DDX4: variants seen among roughly 807,000 people sequenced by gnomAD.
DDX4 encodes the protein probable ATP-dependent RNA helicase DDX4.
A neutral mutation model predicts 100.0 loss-of-function variants in DDX4; 25 were observed. The observed-to-expected ratio is 0.25, with a 90% CI of 0.18 to 0.35. The LOEUF (loss-of-function observed/expected upper bound fraction) is 0.35, where lower values mean the gene tolerates loss of function less well. Among genes scored for constraint, DDX4 ranks in the 10% least tolerant of loss-of-function variants. The pLI, the probability that DDX4 is intolerant of heterozygous loss-of-function variation, is 1.00. For missense variants in DDX4, 635 were observed against 882.4 expected (o/e 0.72, Z 3.55); for synonymous variants, 259 against 275.7 (o/e 0.94, Z 0.60).
chr5:55,738,076 G>C lies in DDX4; in HGVS notation c.-40G>C, dbSNP rs1758786274. On this transcript the variant is annotated 5_prime_UTR_variant, in exon 1 of 22. Transcript: ENST00000505374. ...TTTAAGTCGCGTGGGCGCCTGCGAGGGCTTGGGAGAGCAAGCCGCGGAGAG... is the reference window on the plus strand; with the variant it reads ...TTTAAGTCGCGTGGGCGCCTGCGAGCGCTTGGGAGAGCAAGCCGCGGAGAG... 6.6e-6 allele frequency: 1 copy of C among 152,320 alleles called. No individual in the cohort carries two copies. Among genetic ancestry groups the C allele is most frequent in the African/African-American group, 2.4e-5 (1 of 41,480 alleles). The allele number at this position is 152,320 out of a possible 1,614,324, so 9.4% of individuals were successfully genotyped here.
chr5:55,814,393 T>G lies in DDX4; in HGVS notation c.1716-508T>G, dbSNP rs186053944. ...TTACCTCATTTGCAAATGGGGATAA[T>G]TTTTGCAACTCAAAGTATTATATTG... On this transcript the variant is annotated intron_variant, in intron 19 of 21. Coordinates refer to ENST00000505374, the MANE Select transcript of DDX4 (RefSeq NM_024415.3). 2.0e-5 allele frequency among the ~76,000 whole-genome samples: 3 copies of G among 152,326 alleles called. No homozygotes were observed. The East Asian group carries it at 5.8e-4, about 29-fold the overall frequency.
intron 2 of DDX4, among the ~76,000 whole-genome samples, chr5:55,745,570 T>A (rs2111596602): frequency 6.6e-6 from 1 of 152,100 alleles, no homozygotes; most frequent in East Asian, 1.9e-4. Context: ...TACAGGCTCA[T>A]GCCACCACAC....
intron 3 of DDX4, among the ~76,000 whole-genome samples, chr5:55,755,478 T>C (rs559445922): frequency 2.6e-5 from 4 of 152,268 alleles, no homozygotes; most frequent in Non-Finnish European, 5.9e-5. Context: ...TTTGTGTTCC[T>C]GGGCTAAGCC....
chr5:55,792,358 T>G (rs1243878977), intron 16 of DDX4, among the ~76,000 whole-genome samples: 1 of 151,438 alleles, frequency 6.6e-6, no homozygotes, highest in Non-Finnish European at 1.5e-5. Flanking sequence ...TTTTTTTTAT[T>G]TTTATTTTTT....
At chr5:55,810,631 G>C (rs1045579558) in intron 18 of DDX4, among the ~76,000 whole-genome samples, 3 of 151,978 alleles carry the variant, frequency 2.0e-5, no homozygotes, top group Non-Finnish European at 4.4e-5. Context: ...TTTCTGGTTT[G>C]ACAACTCTTA....
chr5:55,738,549 C>G lies in DDX4; in HGVS notation c.-14-401C>G, dbSNP rs143574938. 2.6e-5 allele frequency among the ~76,000 whole-genome samples: 4 copies of G among 152,020 alleles called. No individual in the cohort carries two copies. In the East Asian group the frequency reaches 7.8e-4, roughly 29 times the overall value. On this transcript the variant is annotated intron_variant, in intron 1 of 21. Transcript: ENST00000505374. ...AAACACCCCAAAGCAAACATCCTATCCACCTTGGATGTTAATCATGCGAAG... is the reference window on the plus strand; with the variant it reads ...AAACACCCCAAAGCAAACATCCTATGCACCTTGGATGTTAATCATGCGAAG...
chr5:55,806,778 G>T (rs778753842), intron 18 of DDX4, among the ~76,000 whole-genome samples: 11 of 152,194 alleles, frequency 7.2e-5, no homozygotes, highest in Non-Finnish European at 1.5e-4. Flanking sequence ...GTGCGGTGTG[G>T]TGCTGAGAAG....
chr5:55,809,179 G>T (rs1743954522), intron 18 of DDX4, among the ~76,000 whole-genome samples: 1 of 152,192 alleles, frequency 6.6e-6, no homozygotes, highest in African/African-American at 2.4e-5. Flanking sequence ...GCAGTATTAT[G>T]GTGGGAGTGA....
intron 7 of DDX4, among the ~76,000 whole-genome samples, chr5:55,777,134 C>T (rs573277233): frequency 1.3e-5 from 2 of 152,026 alleles, no homozygotes; most frequent in African/African-American, 4.8e-5. Flanking sequence ...CCTAAATATT[C>T]GTGGTGAAAA....
intron 2 of DDX4, among the ~76,000 whole-genome samples, chr5:55,743,089 A>G (rs554007074): frequency 5.0e-4 from 76 of 152,332 alleles, no homozygotes; most frequent in Non-Finnish European, 9.1e-4. Context: ...AAATTAACAC[A>G]AACTGGGTAA....
At chr5:55,802,427 G>A (rs990323275) in intron 18 of DDX4, among the ~76,000 whole-genome samples, 4 of 152,086 alleles carry the variant, frequency 2.6e-5, no homozygotes, top group Non-Finnish European at 5.9e-5. Flanking sequence ...TAACAGTATT[G>A]CAAACAAATG....
chr5:55,804,805 G>A (rs1743585433), intron 18 of DDX4, among the ~76,000 whole-genome samples: 2 of 152,106 alleles, frequency 1.3e-5, no homozygotes, highest in Admixed American at 6.6e-5. Flanking sequence ...TGGCGATGCG[G>A]GCTCTTTTTT....
At chr5:55,782,999 C>T (rs1742017441) in intron 10 of DDX4, among the ~76,000 whole-genome samples, 1 of 151,772 alleles carries the variant, frequency 6.6e-6, no homozygotes, top group African/African-American at 2.4e-5. Flanking sequence ...TTCACCTTTG[C>T]CAGGCTGGTC....
chr5:55,782,126 T>C (rs1741950590), intron 10 of DDX4, 145 bp downstream of exon 10: 2 of 863,038 alleles, frequency 2.3e-6, no homozygotes, highest in South Asian at 3.4e-5. Context: ...GTGAGGACCA[T>C]AAATTTACAC....
Position 55,816,641 on chromosome 5 carries a change from T to C in DDX4, c.*101T>C. 1 of 1,519,708 alleles carries C rather than the reference T, an allele frequency of 6.6e-7. No homozygotes were observed. Among genetic ancestry groups the C allele is most frequent in the Non-Finnish European group, 8.8e-7 (1 of 1,131,840 alleles). 94.1% of individuals were successfully genotyped at this position (1,519,708 alleles called of 1,614,324 possible). ...GTATAAAACTTAACATTCTCATAGCTCCTGTCCTTGTATTCTCACTCCTAC... is the reference window on the plus strand; with the variant it reads ...GTATAAAACTTAACATTCTCATAGCCCCTGTCCTTGTATTCTCACTCCTAC... On this transcript the variant is annotated 3_prime_UTR_variant, in exon 22 of 22. Coordinates refer to ENST00000505374, the MANE Select transcript of DDX4 (RefSeq NM_024415.3).
chr5:55,759,299 TCA>T (rs1760145752), intron 3 of DDX4, among the ~76,000 whole-genome samples: 1 of 152,116 alleles, frequency 6.6e-6, no homozygotes, highest in African/African-American at 2.4e-5. Context: ...ACTGATAAAG[TCA>T]CATTTTTATC....
At chr5:55,738,595 C>A (rs951971987) in intron 1 of DDX4, among the ~76,000 whole-genome samples, 1 of 152,024 alleles carries the variant, frequency 6.6e-6, no homozygotes, top group Non-Finnish European at 1.5e-5. Flanking sequence ...TAAGTAGTTT[C>A]TGAAAAAAGT....
intron 2 of DDX4, among the ~76,000 whole-genome samples, chr5:55,741,788 GAA>G (rs773297828): frequency 1.5e-5 from 2 of 135,720 alleles, no homozygotes; most frequent in African/African-American, 2.7e-5. Flanking sequence ...GACTCTGTCT[GAA>G]AAAAAAAAAA....
At chr5:55,808,333 C>T (rs554312883) in intron 18 of DDX4, among the ~76,000 whole-genome samples, 6 of 152,326 alleles carry the variant, frequency 3.9e-5, no homozygotes, top group South Asian at 2.1e-4. Flanking sequence ...AGTCATTCTC[C>T]GTCCAGCTTT....
Sources: allele counts gnomAD v4.1 joint callset (sites outside exome capture counted in the v4.1 genomes callset), GRCh38; gene constraint gnomAD v4.1.1; transcripts MANE v1.5; gene names NCBI Gene and HGNC (gene_info 2026-07-23, HGNC 2026-07-21).